GABRB1: variants seen among roughly 807,000 people sequenced by gnomAD.
GABRB1 encodes gamma-aminobutyric acid type A receptor subunit beta1.
In GABRB1, 17 loss-of-function variants were observed where a neutral mutation model predicts 51.6. The ratio of observed to expected loss-of-function variants is 0.33; its 90% CI spans 0.23 to 0.49. The LOEUF is 0.49. GABRB1 is among the 20% of genes least tolerant of loss of function. GABRB1 has a pLI of 0.99. For synonymous variants in GABRB1, 247 were observed against 218.9 expected (o/e 1.13, Z -1.14); for missense variants, 410 against 600.6 (o/e 0.68, Z 3.32).
chr4:47,353,638 A>G (rs1240023388), intron 5 of GABRB1, among the ~76,000 whole-genome samples: 1 of 152,194 alleles, frequency 6.6e-6, no homozygotes, highest in Admixed American at 6.5e-5. Flanking sequence ...CATTGACTCT[A>G]GTACACAGTA....
chr4:47,168,829 T>C (rs1411533879), intron 4 of GABRB1, among the ~76,000 whole-genome samples: 1 of 152,150 alleles, frequency 6.6e-6, no homozygotes, highest in Admixed American at 6.5e-5. Flanking sequence ...AATCAAGGTG[T>C]TGGCAGAATT....
At chr4:47,178,218 T>A (rs1406234235) in intron 4 of GABRB1, among the ~76,000 whole-genome samples, 1 of 152,100 alleles carries the variant, frequency 6.6e-6, no homozygotes, top group Non-Finnish European at 1.5e-5. Context: ...AAAGTGCCTG[T>A]CATCTAATAA....
At chr4:47,050,784 A>C (rs1360841507) in intron 3 of GABRB1, among the ~76,000 whole-genome samples, 1 of 152,150 alleles carries the variant, frequency 6.6e-6, no homozygotes, top group Admixed American at 6.6e-5. Flanking sequence ...GAAAAACTTC[A>C]ATCATAAATT....
chr4:47,085,909 G>A (rs1024335808), intron 3 of GABRB1, among the ~76,000 whole-genome samples: 2 of 152,218 alleles, frequency 1.3e-5, no homozygotes, highest in Non-Finnish European at 2.9e-5. Context: ...CCAGGCCTCT[G>A]AAGGCCTAGG....
intron 3 of GABRB1, among the ~76,000 whole-genome samples, chr4:47,108,029 C>T (rs1715044209): frequency 6.6e-6 from 1 of 151,816 alleles, no homozygotes; most frequent in Admixed American, 6.6e-5. Context: ...CATAATAAAC[C>T]ATATCTCCTC....
intron 3 of GABRB1, among the ~76,000 whole-genome samples, chr4:47,063,971 C>A (rs1440011988): frequency 3.3e-5 from 5 of 152,276 alleles, no homozygotes; most frequent in Middle Eastern, 3.4e-3. Flanking sequence ...TGAGGTGCAG[C>A]AAACCACCAT....
intron 3 of GABRB1, among the ~76,000 whole-genome samples, chr4:47,140,001 G>A (rs1184786694): frequency 1.3e-5 from 2 of 151,732 alleles, no homozygotes; most frequent in African/African-American, 4.8e-5. Context: ...GACAGCAGCG[G>A]TAAGAATATC....
chr4:47,334,831 T>C (rs1219499553), intron 5 of GABRB1, among the ~76,000 whole-genome samples: 2 of 152,186 alleles, frequency 1.3e-5, no homozygotes, highest in East Asian at 3.9e-4. Flanking sequence ...TTTTGATGAT[T>C]CAAGGTCATA....
At chr4:47,143,045 A>T (rs1716999260) in intron 3 of GABRB1, among the ~76,000 whole-genome samples, 1 of 151,912 alleles carries the variant, frequency 6.6e-6, no homozygotes, top group Non-Finnish European at 1.5e-5. Context: ...CATTATAATG[A>T]AATATGAAAC....
chr4:47,079,160 T>C (rs1388691292), intron 3 of GABRB1, among the ~76,000 whole-genome samples: 1 of 152,052 alleles, frequency 6.6e-6, no homozygotes, highest in African/African-American at 2.4e-5. Context: ...TCTTTTTCTA[T>C]TGATTGGAAT....
upstream of GABRB1, among the ~76,000 whole-genome samples, chr4:47,027,567 A>G (rs1313131806): frequency 6.6e-6 from 1 of 151,644 alleles, no homozygotes; most frequent in Non-Finnish European, 1.5e-5. Context: ...TAAAGAAAAT[A>G]ATATATCACT....
chr4:47,115,154 T>A (rs1715408851), intron 3 of GABRB1, among the ~76,000 whole-genome samples: 1 of 152,192 alleles, frequency 6.6e-6, no homozygotes, highest in East Asian at 1.9e-4. Context: ...TCTCATGAAT[T>A]GAGGAACAAA....
intron 5 of GABRB1, among the ~76,000 whole-genome samples, chr4:47,357,275 C>A (rs930991053): frequency 6.6e-6 from 1 of 152,066 alleles, no homozygotes; most frequent in Non-Finnish European, 1.5e-5. Context: ...TTATAGGCAG[C>A]AGTGGTTAAA....
chr4:47,138,476 C>A (rs551508126), intron 3 of GABRB1, among the ~76,000 whole-genome samples: 1 of 151,996 alleles, frequency 6.6e-6, no homozygotes, highest in Non-Finnish European at 1.5e-5. Context: ...CTGGGCATGT[C>A]CTGAGTCTGA....
At chr4:47,085,089 G>T (rs28591498) in intron 3 of GABRB1, among the ~76,000 whole-genome samples, 2,204 of 152,212 alleles carry the variant, frequency 0.014, 43 homozygotes, top group African/African-American at 0.051. Context: ...CTCATTATAT[G>T]ATTATGAGTA....
intron 5 of GABRB1, among the ~76,000 whole-genome samples, chr4:47,358,369 ATATGTGTGTG>A (rs1281911947): frequency 6.6e-6 from 1 of 151,756 alleles, no homozygotes; most frequent in African/African-American, 2.4e-5. Flanking sequence ...GTGTGTATAT[ATATGTGTGTG>A]TGTATATATG....
intron 5 of GABRB1, among the ~76,000 whole-genome samples, chr4:47,375,571 C>G (rs1418276112): frequency 6.6e-6 from 1 of 152,194 alleles, no homozygotes; most frequent in African/African-American, 2.4e-5. Context: ...TCCACAGAAT[C>G]ACTCAACGAT....
At chr4:47,360,231 T>C (rs1185368109) in intron 5 of GABRB1, among the ~76,000 whole-genome samples, 8 of 152,198 alleles carry the variant, frequency 5.3e-5, no homozygotes, top group Middle Eastern at 3.4e-3. Flanking sequence ...AGGAAGATTT[T>C]TTTTTCCAGA....
chr4:47,198,237 G>A (rs1165549329), intron 4 of GABRB1, among the ~76,000 whole-genome samples: 2 of 152,122 alleles, frequency 1.3e-5, no homozygotes, highest in Non-Finnish European at 2.9e-5. Context: ...GTGAAACATG[G>A]GATAAACTCA....
Sources: allele counts gnomAD v4.1 joint callset (sites outside exome capture counted in the v4.1 genomes callset), GRCh38; gene constraint gnomAD v4.1.1; transcripts MANE v1.5; gene names NCBI Gene and HGNC (gene_info 2026-07-23, HGNC 2026-07-21).